LMBR1L: variants seen among roughly 807,000 people sequenced by gnomAD.
LMBR1L encodes the protein protein LMBR1L.
Under a neutral mutation model 67.3 loss-of-function variants are expected in LMBR1L, and 47 were observed. The ratio of observed to expected loss-of-function variants is 0.70; its 90% CI spans 0.55 to 0.89. The LOEUF (loss-of-function observed/expected upper bound fraction) is 0.89. Ranked by LOEUF, LMBR1L falls within the 40% of genes least tolerant of loss-of-function variation. The pLI is 0.00. For synonymous variants in LMBR1L, 247 were observed against 250.3 expected (o/e 0.99, Z 0.13); for missense variants, 533 against 599.2 (o/e 0.89, Z 1.15).
chr12:49,106,430 TG>T, intron 2 of LMBR1L: 1 of 485,586 alleles, frequency 2.1e-6, no homozygotes, highest in Non-Finnish European at 3.7e-6. Flanking sequence ...GAGGAAAGGC[TG>T]GAGCTAGGAA....
chr12:49,097,916 A>T, intron 16 of LMBR1L, 28 bp downstream of exon 16: 1 of 1,600,716 alleles, frequency 6.2e-7, no homozygotes, highest in Non-Finnish European at 8.5e-7. Context: ...ACCACCCCCC[A>T]CTAGCCTGCA....
intron 12 of LMBR1L, 25 bp from the exon 13 acceptor site, chr12:49,101,348 T>C (rs751523884): frequency 6.2e-7 from 1 of 1,612,248 alleles, no homozygotes; most frequent in South Asian, 1.1e-5. Context: ...AGTATCACTG[T>C]GAGCATTCCC....
chr12:49,104,119 G>A, intron 5 of LMBR1L: 1 of 477,618 alleles, frequency 2.1e-6, no homozygotes, highest in Non-Finnish European at 3.7e-6. Flanking sequence ...CATCCAACAG[G>A]AGAATGGAAG....
At chr12:49,100,732 CTT>C (rs112884400) in intron 13 of LMBR1L, 86 bp from the exon 14 acceptor site, 4,809 of 787,152 alleles carry the variant, frequency 6.1e-3, no homozygotes, top group South Asian at 7.5e-3. Flanking sequence ...CAGCCCACTT[CTT>C]TTTTTTTTTT....
chr12:49,104,347 G>A (rs10783302), intron 5 of LMBR1L, 101 bp downstream of exon 5: 10 of 904,106 alleles, frequency 1.1e-5, no homozygotes, highest in South Asian at 1.5e-5. Flanking sequence ...TCAAACTTCC[G>A]TTAACTAAAC....
intron 15 of LMBR1L, among the ~76,000 whole-genome samples, chr12:49,098,978 C>CT (rs757291862): frequency 0.028 from 3,922 of 138,226 alleles, 160 homozygotes; most frequent in African/African-American, 0.091. Context: ...ATTAAAAACA[C>CT]TTTTTTTTTT....
intron 6 of LMBR1L, 98 bp downstream of exon 6, chr12:49,103,589 G>C: frequency 6.9e-7 from 1 of 1,440,242 alleles, no homozygotes; most frequent in Non-Finnish European, 9.3e-7. Flanking sequence ...GGGAGAAGGT[G>C]CCAACATTTT....
chr12:49,106,696 TC>T, intron 2 of LMBR1L: 1 of 1,105,286 alleles, frequency 9.0e-7, no homozygotes, highest in Non-Finnish European at 1.3e-6. Context: ...TCTCCTTTGG[TC>T]CACACAATGG....
chr12:49,103,975 G>A, intron 5 of LMBR1L, 162 bp from the exon 6 acceptor site: 1 of 679,894 alleles, frequency 1.5e-6, no homozygotes, highest in Non-Finnish European at 2.4e-6. Flanking sequence ...CCACTCCCCA[G>A]TCTAAGGTCA....
Position 49,100,666 on chromosome 12 carries a change from G to T in LMBR1L, c.1083-20C>A, listed in dbSNP as rs1940044129. The T allele has an allele frequency of 1.3e-6, 2 of 1,565,858 alleles. No individual in the cohort carries two copies. The highest frequency in any genetic ancestry group is 1.8e-6 in the Non-Finnish European group (2 of 1,138,210). Reference sequence around the variant, plus strand: ...AGGTAACTGCCACTGCATTAAGGAAGAACTGGCTGGCTCCAAGAATTAATA... The same window carrying T: ...AGGTAACTGCCACTGCATTAAGGAATAACTGGCTGGCTCCAAGAATTAATA... On this transcript the variant is annotated intron_variant, in intron 13 of 16. Transcript: ENST00000267102.
chr12:49,106,001 G>A (rs778421950), intron 2 of LMBR1L, 44 bp from the exon 3 acceptor site: 3 of 1,574,338 alleles, frequency 1.9e-6, no homozygotes, highest in Non-Finnish European at 2.6e-6. Flanking sequence ...AGGACATCAG[G>A]GGGCAGCTCT....
rs779704047 is a variant in LMBR1L at position 49,100,362 on chromosome 12, CT to C, written c.1240+25del. 3.1e-6 allele frequency: 5 copies of C among 1,593,546 alleles called. No homozygotes were observed. The African/African-American group carries it at 6.8e-5, about 22-fold the overall frequency. On this transcript the variant is annotated intron_variant, in intron 15 of 16. Transcript: ENST00000267102. ...GTAAGTACTCAAAAAAATCCAATTCCTTTATCTCCTCCTTTCAATACTTACC... is the reference window on the plus strand; with the variant it reads ...GTAAGTACTCAAAAAAATCCAATTCCTTATCTCCTCCTTTCAATACTTACC...
rs1458435762 is a variant in LMBR1L at position 49,101,257 on chromosome 12, G to A, written c.1075C>T (p.Leu359Phe). The change falls in exon 13 of 17, where the codon CTC becomes TTC. Residue 359 changes from leucine to phenylalanine, a missense_variant. Physicochemically the swap from Leu to Phe is conservative, Grantham distance 22 (BLOSUM62 0). Coordinates refer to ENST00000267102, the MANE Select transcript of LMBR1L (RefSeq NM_018113.4). ...GGGTTTCCAGAAGGATACAAGATGA[G>A]TACAACCTGAATGACGGCACCAAAG... ...GSFGAVIQVV[L>F]IFYLMVSSVV... The A allele has an allele frequency of 6.2e-7, 1 of 1,614,174 alleles. No homozygotes were observed. The highest frequency in any genetic ancestry group is 1.1e-5 in the South Asian group (1 of 91,074).
chr12:49,105,756 T>A (rs572983869), intron 3 of LMBR1L, among the ~76,000 whole-genome samples, 168 bp downstream of exon 3: 25 of 152,288 alleles, frequency 1.6e-4, no homozygotes, highest in Non-Finnish European at 3.2e-4. Context: ...ACAGCAGCTT[T>A]TCTGAGCATC....
At chr12:49,104,925 A>G (rs1160128287) in intron 3 of LMBR1L, 40 bp from the exon 4 acceptor site, 1 of 1,583,608 alleles carries the variant, frequency 6.3e-7, no homozygotes, top group Non-Finnish European at 8.6e-7. Flanking sequence ...TTAGCTCAGC[A>G]CTCACTACCC....
intron 11 of LMBR1L, 75 bp from the exon 12 acceptor site, chr12:49,101,624 T>A: frequency 9.3e-7 from 1 of 1,072,796 alleles, no homozygotes; most frequent in East Asian, 2.6e-5. Flanking sequence ...ATGGGCAGAC[T>A]CTGGTCCAAC....
intron 11 of LMBR1L, 173 bp from the exon 12 acceptor site, chr12:49,101,722 A>C: frequency 1.7e-6 from 1 of 599,810 alleles, no homozygotes; most frequent in Non-Finnish European, 3.0e-6. Context: ...GCCTTTGAGG[A>C]TATTATAAGA....
In LMBR1L at chr12:49,102,495, C is replaced by T. The variant is rs748006998; in HGVS notation, c.742G>A (p.Glu248Lys). 6.2e-7 allele frequency: 1 copy of T among 1,614,206 alleles called. No homozygotes were observed. Among genetic ancestry groups the T allele is most frequent in the South Asian group, 1.1e-5 (1 of 91,084 alleles). Residue 248 changes from glutamate (E) to lysine (K), a missense_variant, in exon 9 of 17, where the codon GAG becomes AAG. Transcript: ENST00000267102. Reference sequence around the variant, plus strand: ...CAGATCCTGCGGGTCAGGGCTGCCTCCTCAAAGGCTGAGCAGTACAGCTGC... The same window carrying T: ...CAGATCCTGCGGGTCAGGGCTGCCTTCTCAAAGGCTGAGCAGTACAGCTGC... ...EEQLYCSAFE[E>K]AALTRRICNP...
chr12:49,110,610 G>C lies in LMBR1L; in HGVS notation c.-55C>G, dbSNP rs757102664. The C allele has an allele frequency of 2.1e-5, 33 of 1,543,736 alleles. No individual in the cohort carries two copies. The highest frequency in any genetic ancestry group is 2.6e-5 in the Non-Finnish European group (29 of 1,117,474). On this transcript the variant is annotated 5_prime_UTR_variant, in exon 1 of 17. Coordinates refer to ENST00000267102, the MANE Select transcript of LMBR1L (RefSeq NM_018113.4). The stretch of plus-strand genomic sequence containing the variant: ...GCCTCTGGGCCCGGGGAGGACGAGC[G>C]GGGAGGAAGCCGCCGCCGCCAAGCA...
Sources: gnomAD v4.1 joint callset for allele counts (sites outside exome capture counted in the v4.1 genomes callset) on GRCh38, gnomAD v4.1.1 for gene constraint, MANE v1.5 for transcripts, NCBI Gene and HGNC (gene_info 2026-07-23, HGNC 2026-07-21) for gene names.